Variants in FAM186A observed in about 807,000 individuals in gnomAD.
FAM186A encodes family with sequence similarity 186 member A.
A neutral mutation model predicts 216.8 loss-of-function variants in FAM186A; 163 were observed. That is an observed-to-expected ratio of 0.75 (90% CI 0.66 to 0.86). The LOEUF is 0.86. Ranked by LOEUF, FAM186A falls within the 40% of genes least tolerant of loss-of-function variation. The pLI is 0.00. For synonymous variants in FAM186A, 805 were observed against 1,025.3 expected, an observed-to-expected ratio of 0.79 and a Z score of 4.10; for missense variants, 2,184 against 2,746.2, an observed-to-expected ratio of 0.80 and a Z score of 4.58.
At chr12:50,389,449 G>A (rs2136108029) in intron 1 of FAM186A, among the ~76,000 whole-genome samples, 1 of 152,282 alleles carries the variant, frequency 6.6e-6, no homozygotes, top group Middle Eastern at 3.4e-3. Flanking sequence ...GCAGTGAGCT[G>A]AGATCGCGAC....
Position 50,353,317 on chromosome 12 carries a change from G to A in FAM186A, c.3515C>T (p.Thr1172Ile). ...QQAQKLGIPL[T>I]PQQAQALGIP... The stretch of plus-strand genomic sequence containing the variant: ...CCCCAGGGCCTGGGCCTGCTGAGGG[G>A]TAAGAGGGATCCCTAGTTTCTGAGC... Residue 1172 changes from threonine (T) to isoleucine (I), a missense_variant, in exon 4 of 8, where the codon ACC becomes ATC. Transcript: ENST00000327337. 1.3e-6 allele frequency: 2 copies of A among 1,541,006 alleles called. No homozygotes were observed. The highest frequency in any genetic ancestry group is 1.2e-5 in the South Asian group (1 of 83,118).
In FAM186A at chr12:50,358,577, T is replaced by A. The variant is rs186295648; in HGVS notation, c.583+2179A>T. 2.1e-3 allele frequency among the ~76,000 whole-genome samples: 314 copies of A among 151,402 alleles called. 1 individual carries two copies. Among genetic ancestry groups the A allele is most frequent in the Non-Finnish European group, 3.2e-3 (214 of 67,890 alleles). On this transcript the variant is annotated intron_variant, in intron 3 of 7. Coordinates refer to ENST00000327337, the MANE Select transcript of FAM186A (RefSeq NM_001145475.3). ...CAGCTTGGACGACAGAGCAAAATCC[T>A]GTCAAAAACAAAACAAAACAAAACA...
intron 4 of FAM186A, among the ~76,000 whole-genome samples, chr12:50,337,672 C>T (rs1461733608): frequency 2.6e-5 from 4 of 151,340 alleles, no homozygotes; most frequent in South Asian, 2.1e-4. Context: ...CTGAGGCGGG[C>T]GGATCACAAG....
chr12:50,357,449 C>T (rs1186669704), intron 3 of FAM186A, among the ~76,000 whole-genome samples: 1 of 149,308 alleles, frequency 6.7e-6, no homozygotes, highest in Non-Finnish European at 1.5e-5. Flanking sequence ...TTGCGGTGAG[C>T]CGAGATCACA....
intron 1 of FAM186A, among the ~76,000 whole-genome samples, chr12:50,378,479 G>A (rs1216705148): frequency 1.3e-5 from 2 of 151,014 alleles, no homozygotes; most frequent in African/African-American, 2.4e-5. Flanking sequence ...ACAGTGAGCC[G>A]AGATTTCACC....
Position 50,353,588 on chromosome 12 carries a change from C to G in FAM186A, c.3244G>C (p.Glu1082Gln). The change falls in exon 4 of 8, where the codon GAA becomes CAA. Residue 1082 changes from glutamate to glutamine, a missense_variant. By Grantham distance (29) the Glu-to-Gln change is conservative (BLOSUM62 2). This residue lies in a region of FAM186A where 1,132 missense variants were observed against 1,263.4 expected (regional missense o/e 0.90). Coordinates refer to ENST00000327337, the MANE Select transcript of FAM186A (RefSeq NM_001145475.3). ...TGAGGAGTGAGTGTGATCCCCACTTCCTGGGCCTGCTGAGGTGTGAGATGA... is the reference window on the plus strand; with the variant it reads ...TGAGGAGTGAGTGTGATCCCCACTTGCTGGGCCTGCTGAGGTGTGAGATGA... ...CIHLTPQQAQ[E>Q]VGITLTPQQA... 1 of 1,526,730 alleles carries G rather than the reference C, an allele frequency of 6.5e-7. No individual in the cohort carries two copies. 94.6% of individuals were successfully genotyped at this position (1,526,730 alleles called of 1,614,324 possible).
chr12:50,360,302 TGTG>T (rs1943020609), intron 3 of FAM186A, among the ~76,000 whole-genome samples: 1 of 151,270 alleles, frequency 6.6e-6, no homozygotes, highest in African/African-American at 2.4e-5. Flanking sequence ...AAAATTAGAT[TGTG>T]GTGATAAATG....
chr12:50,341,827 T>C (rs1942765342), intron 4 of FAM186A, among the ~76,000 whole-genome samples: 1 of 151,922 alleles, frequency 6.6e-6, no homozygotes, highest in Non-Finnish European at 1.5e-5. Flanking sequence ...AGAGCAAGAC[T>C]TCGTCTCAAA....
chr12:50,396,310 G>A lies in FAM186A; in HGVS notation c.175C>T (p.Leu59Phe), dbSNP rs927492789. The A allele has an allele frequency of 2.3e-5, 35 of 1,543,464 alleles. No homozygotes were observed. The East Asian group carries it at 7.8e-4, about 35-fold the overall frequency. Residue 59 changes from leucine (L) to phenylalanine (F), a missense_variant, in exon 1 of 8, where the codon CTC becomes TTC. By Grantham distance (22) the Leu-to-Phe change is conservative (BLOSUM62 0). Coordinates refer to ENST00000327337, the MANE Select transcript of FAM186A (RefSeq NM_001145475.3). ...CTACCTACCTCTCTGGCTCGATGGA[G>A]CTGTGCGCGCTCAATCCTAGAGATG... is the stretch of plus-strand genomic sequence containing the variant. ...DIISRIERAQ[L>F]HRAREDIDMQ...
chr12:50,353,039 T>A lies in FAM186A; in HGVS notation c.3793A>T (p.Ile1265Phe). Residue 1265 changes from isoleucine to phenylalanine, a missense_variant, in exon 4 of 8, where the codon ATC becomes TTC. Ile to Phe is a conservative substitution (Grantham distance 21). This residue lies in a region of FAM186A where 267 missense variants were observed against 446.2 expected (regional missense o/e 0.60). Transcript: ENST00000327337. ...LTPKQVQELG[I>F]PLTPQQAQAL... ...TGGGCCTGCTGAGGAGTAAGAGGGA[T>A]CCCCAGTTCCTGAACCTGCTTAGGG... The A allele has an allele frequency of 1.3e-6, 2 of 1,532,410 alleles. No homozygotes were observed. Among genetic ancestry groups the A allele is most frequent in the Non-Finnish European group, 1.8e-6 (2 of 1,138,526 alleles). 94.9% of individuals were successfully genotyped at this position (1,532,410 alleles called of 1,614,324 possible).
intron 4 of FAM186A, 109 bp from the exon 5 acceptor site, chr12:50,334,212 C>T: frequency 1.0e-6 from 1 of 999,346 alleles, no homozygotes; most frequent in East Asian, 2.7e-5. Context: ...ATCTTGTTGC[C>T]CAGGCTGGAG....
chr12:50,353,837 C>T lies in FAM186A; in HGVS notation c.2995G>A (p.Glu999Lys). 1 of 1,551,564 alleles carries T rather than the reference C, an allele frequency of 6.4e-7. No homozygotes were observed. Among genetic ancestry groups the T allele is most frequent in the Non-Finnish European group, 8.7e-7 (1 of 1,146,920 alleles). ...QMKETQPKEL[E>K]KMVIQTPMTL... ...ATTGGAGTTTGGATGACCATTTTTT[C>T]TAGCTCTTTAGGTTGTGTTTCCTTC... The change falls in exon 4 of 8, where the codon GAA (glutamate) becomes AAA (lysine). Residue 999 changes from glutamate to lysine, a missense_variant. By Grantham distance (56) the Glu-to-Lys change is moderately conservative. Coordinates refer to ENST00000327337, the MANE Select transcript of FAM186A (RefSeq NM_001145475.3).
At chr12:50,372,999 GAAAGAAAGAAAGAAAGAAA>G (rs1565892939) in intron 1 of FAM186A, among the ~76,000 whole-genome samples, 1,072 of 70,312 alleles carry the variant, frequency 0.015, 31 homozygotes, top group East Asian at 0.049. Flanking sequence ...AGGAAGGAAT[GAAAGAAAGAAAGAAAGAAA>G]GAAAGAAAGA....
chr12:50,356,288 TC>T lies in FAM186A; in HGVS notation c.584-41del, dbSNP rs369385201. Reference sequence around the variant, plus strand: ...ATAAAACAGTGAGATGGCATTTTTTTCTTTTGCATTGTGTTCTATCTATGTT... The same window carrying T: ...ATAAAACAGTGAGATGGCATTTTTTTTTTTGCATTGTGTTCTATCTATGTT... On this transcript the variant is annotated intron_variant, in intron 3 of 7. Coordinates refer to ENST00000327337, the MANE Select transcript of FAM186A (RefSeq NM_001145475.3). 5.5e-5 allele frequency: 81 copies of T among 1,459,968 alleles called. No homozygotes were observed. In the East Asian group the frequency reaches 1.1e-3, roughly 20 times the overall value. 90.4% of individuals were successfully genotyped at this position (1,459,968 alleles called of 1,614,324 possible). A position where few individuals can be genotyped will look rare whatever the true frequency, so the allele number is the denominator to read the frequency against.
intron 4 of FAM186A, among the ~76,000 whole-genome samples, chr12:50,344,111 T>A (rs1337510918): frequency 7.2e-5 from 11 of 152,096 alleles, no homozygotes; most frequent in African/African-American, 2.4e-4. Flanking sequence ...CTTTTTTATT[T>A]TAGTAAGTTC....
In FAM186A at chr12:50,327,386, T is replaced by C; in HGVS notation, c.7053A>G (p.Lys2351=). The C allele has an allele frequency of 1.9e-6, 3 of 1,547,378 alleles. No homozygotes were observed. The highest frequency in any genetic ancestry group is 2.7e-5 in the African/African-American group (2 of 73,020). ...SLQSRVKKIP[K] ...ATGCTTGTATTTAATTTTACAGTCA[T>C]TTGGGAATCTTCTTAACCCTGGAAA... Residue 2351 remains lysine (K), a synonymous_variant, in exon 8 of 8, where the codon AAA becomes AAG. Transcript: ENST00000327337.
chr12:50,350,539 T>C lies in FAM186A; in HGVS notation c.6293A>G (p.Gln2098Arg), dbSNP rs1942865330. 29 of 1,551,618 alleles carry C rather than the reference T, an allele frequency of 1.9e-5. No individual in the cohort carries two copies. Among genetic ancestry groups the C allele is most frequent in the East Asian group, 4.9e-5 (2 of 40,924 alleles). The change falls in exon 4 of 8, where the codon CAA becomes CGA. Residue 2098 changes from glutamine to arginine, a missense_variant. Transcript: ENST00000327337. ...PKVMVPPSSP[Q>R]ELEEKRYFVD... ...AAAATACCTCTTTTCTTCAAGTTCT[T>C]GAGGAGAGGAAGGGGGCACCATTAC...
intron 1 of FAM186A, among the ~76,000 whole-genome samples, chr12:50,395,981 CT>C (rs1246229879): frequency 1.3e-5 from 2 of 151,802 alleles, no homozygotes; most frequent in African/African-American, 4.8e-5. Context: ...TCAGGCTGGT[CT>C]TGAACTCCCG....
At chr12:50,357,736 G>C (rs771661142) in intron 3 of FAM186A, among the ~76,000 whole-genome samples, 1 of 152,120 alleles carries the variant, frequency 6.6e-6, no homozygotes, top group African/African-American at 2.4e-5. Flanking sequence ...TTGGAGTCGC[G>C]TCCATCCTCA....
Sources: allele counts gnomAD v4.1 joint callset (sites outside exome capture counted in the v4.1 genomes callset), GRCh38; gene constraint gnomAD v4.1.1; regional missense constraint gnomAD v4.1.1; transcripts MANE v1.5; gene names NCBI Gene and HGNC (gene_info 2026-07-23, HGNC 2026-07-21).